CPA6: variants seen among roughly 807,000 people sequenced by gnomAD.
The protein encoded by CPA6 is carboxypeptidase B.
Under a neutral mutation model 63.3 loss-of-function variants are expected in CPA6, and 58 were observed. That is an observed-to-expected ratio of 0.92 (90% CI 0.74 to 1.14). The LOEUF is 1.14. Among genes scored for constraint, CPA6 ranks in the 50% most tolerant of loss-of-function variants. CPA6 has a pLI of 0.00. For missense variants in CPA6, 565 were observed against 526.6 expected (o/e 1.07, Z -0.71); for synonymous variants, 185 against 179.0 (o/e 1.03, Z -0.27).
chr8:67,732,513 A>G (rs1477939206), intron 1 of CPA6: 1 of 152,220 alleles, frequency 6.6e-6, no homozygotes, highest in Non-Finnish European at 1.5e-5. Flanking sequence ...CTTACTCTCA[A>G]CTTGCTTATT....
intron 2 of CPA6, among the ~76,000 whole-genome samples, chr8:67,531,556 A>G (rs1305808195): frequency 6.6e-6 from 1 of 152,168 alleles, no homozygotes; most frequent in Admixed American, 6.5e-5. Flanking sequence ...ATAAATGTAT[A>G]CGTATATACA....
At chr8:67,487,324 T>C (rs1038153968) in intron 6 of CPA6, among the ~76,000 whole-genome samples, 3 of 152,200 alleles carry the variant, frequency 2.0e-5, no homozygotes, top group African/African-American at 7.2e-5. Flanking sequence ...GTCCTTGTGA[T>C]AGTTTGCTCA....
chr8:67,552,995 T>C (rs1433595034), intron 2 of CPA6, among the ~76,000 whole-genome samples: 4 of 152,132 alleles, frequency 2.6e-5, no homozygotes, highest in Non-Finnish European at 5.9e-5. Flanking sequence ...AAAATGCTAA[T>C]GTCACACTCA....
intron 8 of CPA6, among the ~76,000 whole-genome samples, chr8:67,475,793 CTTTCTTT>C (rs1303459415): frequency 2.1e-5 from 1 of 47,346 alleles, no homozygotes; most frequent in African/African-American, 1.6e-4. Context: ...TTCTTTCTTT[CTTTCTTT>C]CTTTCTTTCT....
At chr8:67,659,417 C>T (rs1309603634) in intron 1 of CPA6, among the ~76,000 whole-genome samples, 1 of 152,192 alleles carries the variant, frequency 6.6e-6, no homozygotes, top group Admixed American at 6.5e-5. Flanking sequence ...ATTTACCAAC[C>T]TATTTATTTG....
At chr8:67,452,749 A>T (rs1481278880) in intron 8 of CPA6, 1 of 152,292 alleles carries the variant, frequency 6.6e-6, no homozygotes, top group Non-Finnish European at 1.5e-5. Flanking sequence ...GAGAAAGATT[A>T]GGAGTACTGG....
intron 8 of CPA6, among the ~76,000 whole-genome samples, chr8:67,479,058 A>G (rs1214267963): frequency 6.6e-6 from 1 of 152,086 alleles, no homozygotes; most frequent in Non-Finnish European, 1.5e-5. Flanking sequence ...GACACCCCCA[A>G]TATAGCACCC....
chr8:67,449,348 A>G (rs1436647676), intron 8 of CPA6, among the ~76,000 whole-genome samples: 2 of 152,224 alleles, frequency 1.3e-5, no homozygotes, highest in African/African-American at 4.8e-5. Context: ...TTGTTACCCT[A>G]ACAATCTACA....
At chr8:67,574,629 C>T (rs1316326087) in intron 2 of CPA6, among the ~76,000 whole-genome samples, 2 of 152,088 alleles carry the variant, frequency 1.3e-5, no homozygotes, top group East Asian at 3.9e-4. Context: ...CAAGAATATA[C>T]AATGGGAAAA....
chr8:67,540,775 G>A (rs558726219), intron 2 of CPA6, among the ~76,000 whole-genome samples: 16 of 152,316 alleles, frequency 1.1e-4, no homozygotes, highest in Non-Finnish European at 2.2e-4. Context: ...CACCCAGTTC[G>A]AACTTCCTGG....
intron 10 of CPA6, 44 bp downstream of exon 10, chr8:67,428,003 G>T: frequency 7.7e-7 from 1 of 1,303,470 alleles, no homozygotes; most frequent in Non-Finnish European, 1.1e-6. Flanking sequence ...CAGGATATTG[G>T]TTCAAGAGAG....
intron 1 of CPA6, among the ~76,000 whole-genome samples, chr8:67,632,028 G>C (rs1203993178): frequency 2.0e-5 from 3 of 152,174 alleles, no homozygotes; most frequent in Admixed American, 6.5e-5. Context: ...CATTCTTGAA[G>C]TCAGTGAGAC....
At chr8:67,609,167 G>A (rs78964496) in intron 2 of CPA6, among the ~76,000 whole-genome samples, 233 of 152,284 alleles carry the variant, frequency 1.5e-3, no homozygotes, top group Middle Eastern at 6.8e-3. Context: ...CTGTCCTTGA[G>A]AGAACCTTAT....
At chr8:67,427,653 C>T (rs7009065) in intron 10 of CPA6, among the ~76,000 whole-genome samples, 10,213 of 152,120 alleles carry the variant, frequency 0.067, 802 homozygotes, top group African/African-American at 0.19. Context: ...ATAACAAGAA[C>T]GGTGGCAGAA....
At chr8:67,737,612 GC>G (rs1244682410) in intron 1 of CPA6, among the ~76,000 whole-genome samples, 2 of 152,166 alleles carry the variant, frequency 1.3e-5, no homozygotes, top group African/African-American at 4.8e-5. Flanking sequence ...TTGTTTACCT[GC>G]CTGAGTTACT....
rs113776716 is a variant in CPA6 at position 67,512,998 on chromosome 8, A to G, written c.318-1343T>C. On this transcript the variant is annotated intron_variant, in intron 3 of 10. Coordinates refer to ENST00000297770, the MANE Select transcript of CPA6 (RefSeq NM_020361.5). ...ATTTGTTATTTATTGAGCACCTACT[A>G]TGGACAAAACACTTAATCAGGAATT... Among the ~76,000 whole-genome samples the G allele has an allele frequency of 9.9e-3, 1,505 of 152,282 alleles. 26 individuals are homozygous for G. Among genetic ancestry groups the G allele is most frequent in the African/African-American group, 0.034 (1,393 of 41,552 alleles).
At chr8:67,642,331 AAT>A (rs1485237488) in intron 1 of CPA6, among the ~76,000 whole-genome samples, 6 of 147,472 alleles carry the variant, frequency 4.1e-5, no homozygotes, top group African/African-American at 1.3e-4. Flanking sequence ...AAAAAAAAAA[AAT>A]ATTGATTAAA....
chr8:67,574,391 A>C (rs1813569890), intron 2 of CPA6, among the ~76,000 whole-genome samples: 1 of 151,808 alleles, frequency 6.6e-6, no homozygotes, highest in Admixed American at 6.6e-5. Flanking sequence ...AAAAAAAAAA[A>C]AAGCAAATTG....
intron 9 of CPA6, 31 bp from the exon 10 acceptor site, chr8:67,428,162 T>C (rs1450218046): frequency 7.3e-7 from 1 of 1,368,836 alleles, no homozygotes; most frequent in African/African-American, 1.4e-5. Context: ...ATTTTATATA[T>C]TGTTGCATTG....
Sources: gnomAD v4.1 joint callset for allele counts (sites outside exome capture counted in the v4.1 genomes callset) on GRCh38, gnomAD v4.1.1 for gene constraint, MANE v1.5 for transcripts, NCBI Gene and HGNC (gene_info 2026-07-23, HGNC 2026-07-21) for gene names.